STRA8: variants seen among roughly 807,000 people sequenced by gnomAD.
The protein encoded by STRA8 is stimulated by retinoic acid gene 8 protein homolog.
A neutral mutation model predicts 37.1 loss-of-function variants in STRA8; 18 were observed. That is an observed-to-expected ratio of 0.48 (90% CI 0.34 to 0.72). The LOEUF (loss-of-function observed/expected upper bound fraction) is 0.72. Ranked by LOEUF, STRA8 falls within the 30% of genes least tolerant of loss-of-function variation. The pLI, the probability that STRA8 is intolerant of heterozygous loss-of-function variation, is 0.01. For synonymous variants in STRA8, 168 were observed against 162.9 expected (o/e 1.03, Z -0.24); for missense variants, 357 against 410.4 (o/e 0.87, Z 1.13).
At chr7:135,245,153 T>C in intron 4 of STRA8, 135 bp from the exon 5 acceptor site, 1 of 596,588 alleles carries the variant, frequency 1.7e-6, no homozygotes, top group Non-Finnish European at 3.1e-6. Context: ...AAAAAGCTCA[T>C]TTGGTCATGA....
chr7:135,248,164 G>A lies in STRA8; in HGVS notation c.879+1462G>A, dbSNP rs556163588. On this transcript the variant is annotated intron_variant, in intron 6 of 8. Transcript: ENST00000662584. ...CTGGAATGCCTCCGTTTTTTAGAAG[G>A]TTCCTCAGCTATCAGGCCCAAGCCT... 4.6e-5 allele frequency among the ~76,000 whole-genome samples: 7 copies of A among 152,304 alleles called. No individual in the cohort carries two copies. The East Asian group carries it at 1.2e-3, about 25-fold the overall frequency.
At chr7:135,254,849 C>T (rs181441422) in intron 7 of STRA8, among the ~76,000 whole-genome samples, 3 of 152,296 alleles carry the variant, frequency 2.0e-5, no homozygotes, top group African/African-American at 7.2e-5. Context: ...GAGGAACTCT[C>T]GTTCCCTTGT....
chr7:135,239,713 C>T (rs926260954), intron 1 of STRA8, among the ~76,000 whole-genome samples: 2 of 152,096 alleles, frequency 1.3e-5, no homozygotes, highest in African/African-American at 4.8e-5. Flanking sequence ...GTCCCAGAAT[C>T]GCCTCTCCTA....
intron 8 of STRA8, among the ~76,000 whole-genome samples, chr7:135,257,079 C>T (rs1180395784): frequency 6.6e-6 from 1 of 152,200 alleles, no homozygotes; most frequent in Non-Finnish European, 1.5e-5. Flanking sequence ...ACTCTTGATC[C>T]CTATTTCCCT....
At chr7:135,236,717 A>C (rs772886079) in intron 1 of STRA8, among the ~76,000 whole-genome samples, 1 of 152,176 alleles carries the variant, frequency 6.6e-6, no homozygotes, top group Non-Finnish European at 1.5e-5. Context: ...GGTGGAACTA[A>C]GATGTTATTT....
At chr7:135,249,641 C>T (rs893602105) in intron 6 of STRA8, among the ~76,000 whole-genome samples, 9 of 152,226 alleles carry the variant, frequency 5.9e-5, no homozygotes, top group Non-Finnish European at 1.5e-5. Context: ...TAAATACACT[C>T]TGTGATGTTC....
At chr7:135,243,269 G>A in intron 3 of STRA8, 57 bp from the exon 4 acceptor site, 1 of 1,587,886 alleles carries the variant, frequency 6.3e-7, no homozygotes. Flanking sequence ...GGGTGGGAGA[G>A]ACTCAACAGA....
intron 1 of STRA8, among the ~76,000 whole-genome samples, chr7:135,237,474 C>T (rs750596842): frequency 1.3e-5 from 2 of 152,184 alleles, no homozygotes; most frequent in East Asian, 1.9e-4. Flanking sequence ...TGGAATAAGG[C>T]GGAGGGTCCT....
chr7:135,244,451 A>T (rs1832515486), intron 4 of STRA8, among the ~76,000 whole-genome samples: 1 of 152,152 alleles, frequency 6.6e-6, no homozygotes, highest in Non-Finnish European at 1.5e-5. Context: ...TCCAAATTAT[A>T]TCCTATTGTT....
In STRA8 at chr7:135,251,766, C is replaced by T. The variant is rs781508948; in HGVS notation, c.880-30C>T. 4 of 1,611,938 alleles carry T rather than the reference C, an allele frequency of 2.5e-6. No individual in the cohort carries two copies. In the Admixed American group the frequency reaches 6.7e-5, roughly 27 times the overall value. ...AAGCATGAAATTGTCAAGTTATTTCCAACACATGAAGTGTTGTGCTTTCTT... is the reference window on the plus strand; with the variant it reads ...AAGCATGAAATTGTCAAGTTATTTCTAACACATGAAGTGTTGTGCTTTCTT... On this transcript the variant is annotated intron_variant, in intron 6 of 8. Transcript: ENST00000662584.
At chr7:135,245,768 T>C (rs1832542197) in intron 5 of STRA8, among the ~76,000 whole-genome samples, 1 of 152,194 alleles carries the variant, frequency 6.6e-6, no homozygotes, top group Non-Finnish European at 1.5e-5. Flanking sequence ...CATACACTCA[T>C]ACAGTGTTTT....
rs773612706 is a variant in STRA8, at chr7:135,246,846, CTCT to C, written c.879+146_879+148del. 6.4e-5 allele frequency: 52 copies of C among 807,286 alleles called. No individual in the cohort carries two copies. In the African/African-American group the frequency reaches 9.0e-4, roughly 14 times the overall value. The allele number at this position is 807,286 out of a possible 1,614,324, so 50.0% of individuals were successfully genotyped here. A position where few individuals can be genotyped will look rare whatever the true frequency, so the allele number is the denominator to read the frequency against. On this transcript the variant is annotated intron_variant, in intron 6 of 8. Transcript: ENST00000662584. This position sits in a 1 kb window ranked among gnomAD's most constrained non-coding sequence, Gnocchi z 5.4. ...AGGTCGGTTTCTGATTTTCTTTTTT[CTCT>C]TTTTTTTTTTTTTGAGACGGAGTCT...
At chr7:135,241,055 C>A (rs1832457406) in intron 2 of STRA8, among the ~76,000 whole-genome samples, 1 of 152,126 alleles carries the variant, frequency 6.6e-6, no homozygotes, top group Non-Finnish European at 1.5e-5. Flanking sequence ...TCACCTTAAT[C>A]ACCTTCCAAA....
intron 3 of STRA8, 115 bp from the exon 4 acceptor site, chr7:135,243,211 T>C: frequency 2.0e-6 from 2 of 1,003,426 alleles, no homozygotes; most frequent in Non-Finnish European, 3.0e-6. Context: ...TCCCTAATGC[T>C]GACCCTGGAG....
At chr7:135,251,423 G>A (rs975957928) in intron 6 of STRA8, among the ~76,000 whole-genome samples, 1 of 152,116 alleles carries the variant, frequency 6.6e-6, no homozygotes. Flanking sequence ...GGGACCCTGG[G>A]CTCCAATAAT....
At chr7:135,238,702 C>CA (rs1832416640) in intron 1 of STRA8, among the ~76,000 whole-genome samples, 3 of 151,924 alleles carry the variant, frequency 2.0e-5, no homozygotes, top group South Asian at 4.1e-4. Context: ...CAAGTAAAAA[C>CA]AAAAAACAAA....
chr7:135,238,508 T>C (rs1357353438), intron 1 of STRA8, among the ~76,000 whole-genome samples: 3 of 152,192 alleles, frequency 2.0e-5, no homozygotes, highest in African/African-American at 7.2e-5. Flanking sequence ...CCAGATTCCC[T>C]ACAAGCCCAG....
chr7:135,238,334 T>G (rs1585467462), intron 1 of STRA8, among the ~76,000 whole-genome samples: 1 of 152,162 alleles, frequency 6.6e-6, no homozygotes, highest in African/African-American at 2.4e-5. Context: ...CGAGCAGCCC[T>G]GGCGGCTCCT....
chr7:135,248,042 C>T (rs758601762), intron 6 of STRA8, among the ~76,000 whole-genome samples: 13 of 152,182 alleles, frequency 8.5e-5, no homozygotes, highest in African/African-American at 1.9e-4. Context: ...TCAGTCGGGG[C>T]GCCTTTGAGG....
Sources: gnomAD v4.1 joint callset for allele counts (sites outside exome capture counted in the v4.1 genomes callset) on GRCh38, gnomAD v4.1.1 for gene constraint, Gnocchi (gnomAD v3.1) non-coding constraint, MANE v1.5 for transcripts, NCBI Gene and HGNC (gene_info 2026-07-23, HGNC 2026-07-21) for gene names.